Variants in SLCO3A1 observed in about 807,000 individuals in gnomAD.
The protein encoded by SLCO3A1 is PGE1 transporter.
A neutral mutation model predicts 63.1 loss-of-function variants in SLCO3A1; 27 were observed. The observed-to-expected ratio is 0.43, with a 90% CI of 0.32 to 0.59. The LOEUF (loss-of-function observed/expected upper bound fraction) is 0.59, where lower values mean the gene tolerates loss of function less well. Ranked by LOEUF, SLCO3A1 falls within the 20% of genes least tolerant of loss-of-function variation. The pLI is 0.09. For synonymous variants in SLCO3A1, 473 were observed against 409.9 expected (o/e 1.15, Z -1.86); for missense variants, 773 against 945.8 (o/e 0.82, Z 2.40).
Position 91,860,508 on chromosome 15 carries a change from C to G in SLCO3A1, c.180+6420C>G, listed in dbSNP as rs868476834. On this transcript the variant is annotated intron_variant, in intron 1 of 9. Coordinates refer to ENST00000318445, the MANE Select transcript of SLCO3A1 (RefSeq NM_013272.4). The surrounding 1 kb of genome is among the most constrained non-coding windows in gnomAD (Gnocchi z 5.5). ...TAACCCTGCTCGTTGACATTAGCAC[C>G]AACAAAAGTCCCTCCCAGGGAGCTG... Among the ~76,000 whole-genome samples, 1 of 152,174 alleles carries G rather than the reference C, an allele frequency of 6.6e-6. No homozygotes were observed. Among genetic ancestry groups the G allele is most frequent in the African/African-American group, 2.4e-5 (1 of 41,436 alleles).
At chr15:92,167,895 A>C (rs1939173589), downstream of SLCO3A1, among the ~76,000 whole-genome samples, 1 of 152,260 alleles carries the variant, frequency 6.6e-6, no homozygotes, top group South Asian at 2.1e-4. Flanking sequence ...GGAGACAGGG[A>C]CAACTCACAC....
intron 2 of SLCO3A1, among the ~76,000 whole-genome samples, chr15:92,094,678 A>G (rs1165861698): frequency 6.6e-6 from 1 of 152,254 alleles, no homozygotes; most frequent in African/African-American, 2.4e-5. Flanking sequence ...TACCTGAAAT[A>G]CTATAGAATT....
chr15:92,043,120 T>C (rs574965688), intron 2 of SLCO3A1, among the ~76,000 whole-genome samples: 14 of 149,388 alleles, frequency 9.4e-5, no homozygotes, highest in Non-Finnish European at 1.9e-4. Flanking sequence ...ATGTTAGTAG[T>C]TGGCCAACTA....
intron 2 of SLCO3A1, among the ~76,000 whole-genome samples, chr15:92,052,982 G>A (rs563655368): frequency 6.6e-6 from 1 of 152,212 alleles, no homozygotes; most frequent in African/African-American, 2.4e-5. Context: ...ACTTTTGCTG[G>A]ACAGTGCGGC....
At chr15:92,144,202 T>C (rs962160643) in intron 7 of SLCO3A1, among the ~76,000 whole-genome samples, 1 of 152,220 alleles carries the variant, frequency 6.6e-6, no homozygotes, top group South Asian at 2.1e-4. Flanking sequence ...CCCTGTAACC[T>C]AAGACAGATT....
Position 91,854,027 on chromosome 15 carries a change from A to G in SLCO3A1, c.119A>G (p.Lys40Arg). The G allele has an allele frequency of 1.3e-6, 2 of 1,545,068 alleles. No homozygotes were observed. Among genetic ancestry groups the G allele is most frequent in the Non-Finnish European group, 8.7e-7 (1 of 1,144,594 alleles). ...KKKVSCFSNI[K>R]IFLVSECALM... Reference sequence around the variant, plus strand: ...AAGGTGTCCTGCTTTTCCAACATCAAGATCTTCCTGGTGTCCGAGTGCGCC... The same window carrying G: ...AAGGTGTCCTGCTTTTCCAACATCAGGATCTTCCTGGTGTCCGAGTGCGCC... The change falls in exon 1 of 10, where the codon AAG (lysine) becomes AGG (arginine). Residue 40 changes from lysine (K) to arginine (R), a missense_variant. Coordinates refer to ENST00000318445, the MANE Select transcript of SLCO3A1 (RefSeq NM_013272.4). This position sits in a 1 kb window ranked among gnomAD's most constrained non-coding sequence, Gnocchi z 6.4.
At position 92,016,259 on chromosome 15, in the gene SLCO3A1, TAGA is replaced by T. The variant is rs757146038; in HGVS notation, c.647-78621_647-78619del. Among the ~76,000 whole-genome samples the T allele has an allele frequency of 1.7e-3, 197 of 113,562 alleles. 2 individuals carry two copies. Among genetic ancestry groups the T allele is most frequent in the Middle Eastern group, 0.013 (3 of 236 alleles). The allele number at this position is 113,562 out of a possible 152,430, so 74.5% of individuals were successfully genotyped here. ...TAGATAGATAGATAGATAGATTAGA[TAGA>T]TAGATAGATAGATAGATAGATGTTA... is the stretch of plus-strand genomic sequence containing the variant. On this transcript the variant is annotated intron_variant, in intron 2 of 9. Coordinates refer to ENST00000318445, the MANE Select transcript of SLCO3A1 (RefSeq NM_013272.4).
At chr15:92,025,560 C>A (rs2151475349) in intron 2 of SLCO3A1, among the ~76,000 whole-genome samples, 1 of 152,332 alleles carries the variant, frequency 6.6e-6, no homozygotes, top group African/African-American at 2.4e-5. Context: ...CTGGGCCAGG[C>A]ACTTTCCATT....
rs1369595411 is a variant in SLCO3A1 at position 91,912,108 on chromosome 15, C to T, written c.181-3885C>T. ...TTTCCTCTTGCAGTTATGGCTCCTT[C>T]TTCTCTAATTATCAAGACCTTCTCC... On this transcript the variant is annotated intron_variant, in intron 1 of 9. Coordinates refer to ENST00000318445, the MANE Select transcript of SLCO3A1 (RefSeq NM_013272.4). This position sits in a 1 kb window ranked among gnomAD's most constrained non-coding sequence, Gnocchi z 5.0. Among the ~76,000 whole-genome samples, 6 of 151,988 alleles carry T rather than the reference C, an allele frequency of 3.9e-5. No homozygotes were observed. The South Asian group carries it at 1.0e-3, about 26-fold the overall frequency.
intron 2 of SLCO3A1, among the ~76,000 whole-genome samples, chr15:91,926,597 G>GTGTGTGTGTGTGTGTGTGTGTGCGCGCA (rs1304406067): frequency 6.3e-5 from 2 of 31,854 alleles, no homozygotes; most frequent in African/African-American, 2.6e-4. Flanking sequence ...GTGTGTGTGT[G>GTGTGTGTGTGTGTGTGTGTGTGCGCGCA]CGCGCGCGCA....
intron 1 of SLCO3A1, among the ~76,000 whole-genome samples, chr15:91,873,913 T>C (rs369259127): frequency 2.0e-5 from 3 of 150,624 alleles, no homozygotes; most frequent in Admixed American, 6.6e-5. Context: ...ATTTCCTTTG[T>C]TTTTTTTCTT....
At chr15:91,866,684 G>A (rs779968492) in intron 1 of SLCO3A1, among the ~76,000 whole-genome samples, 3 of 151,916 alleles carry the variant, frequency 2.0e-5, no homozygotes, top group Non-Finnish European at 4.4e-5. Context: ...AGTAAGGCAT[G>A]TTCTTGGCCC....
chr15:91,855,581 TTATAA>T (rs1896897048), intron 1 of SLCO3A1, among the ~76,000 whole-genome samples: 2 of 152,190 alleles, frequency 1.3e-5, no homozygotes, highest in Non-Finnish European at 2.9e-5. Context: ...GTGTCTATAG[TTATAA>T]TATGCAGTTG....
At chr15:91,895,907 T>A (rs1237748800) in intron 1 of SLCO3A1, among the ~76,000 whole-genome samples, 1 of 152,246 alleles carries the variant, frequency 6.6e-6, no homozygotes, top group Admixed American at 6.5e-5. Context: ...AACTAGGCAG[T>A]GTCAAGGACA....
intron 2 of SLCO3A1, among the ~76,000 whole-genome samples, chr15:92,016,213 A>AT (rs1259357485): frequency 3.3e-4 from 27 of 82,140 alleles, no homozygotes; most frequent in South Asian, 1.2e-3. Flanking sequence ...ATATAGATAG[A>AT]TAGATAGATA....
chr15:92,045,499 A>G (rs2046850288), intron 2 of SLCO3A1, among the ~76,000 whole-genome samples: 1 of 152,130 alleles, frequency 6.6e-6, no homozygotes, highest in Non-Finnish European at 1.5e-5. Flanking sequence ...ATCTTCTGTA[A>G]CCACTATAAT....
chr15:91,856,474 C>T lies in SLCO3A1; in HGVS notation c.180+2386C>T, dbSNP rs1038390601. 1.3e-5 allele frequency among the ~76,000 whole-genome samples: 2 copies of T among 152,162 alleles called. No individual in the cohort carries two copies. Among genetic ancestry groups the T allele is most frequent in the African/African-American group, 4.8e-5 (2 of 41,426 alleles). ...CTTCTGGGCCACTTCAGAGTTTTCT[C>T]TTCATCTGTTATTTGGGAGATGGGG... On this transcript the variant is annotated intron_variant, in intron 1 of 9. Transcript: ENST00000318445. This position sits in a 1 kb window ranked among gnomAD's most constrained non-coding sequence, Gnocchi z 4.9.
chr15:91,989,229 C>T (rs1423277123), intron 2 of SLCO3A1, among the ~76,000 whole-genome samples: 2 of 152,192 alleles, frequency 1.3e-5, no homozygotes, highest in East Asian at 3.8e-4. Flanking sequence ...CCTCTTTAGG[C>T]TCTTGTCTTC....
chr15:92,141,335 G>A (rs2048128928), intron 7 of SLCO3A1, among the ~76,000 whole-genome samples: 1 of 152,188 alleles, frequency 6.6e-6, no homozygotes, highest in African/African-American at 2.4e-5. Context: ...TTTCTTACTA[G>A]TTAATTGTCT....
Sources: gnomAD v4.1 joint callset for allele counts (sites outside exome capture counted in the v4.1 genomes callset) on GRCh38, gnomAD v4.1.1 for gene constraint, Gnocchi (gnomAD v3.1) non-coding constraint, MANE v1.5 for transcripts, NCBI Gene and HGNC (gene_info 2026-07-23, HGNC 2026-07-21) for gene names.